Variants in PLIN4 observed in about 807,000 individuals in gnomAD.
PLIN4 encodes perilipin-4.
In PLIN4, 57 loss-of-function variants were observed where a neutral mutation model predicts 52.4. The observed-to-expected ratio is 1.09, with a 90% CI of 0.88 to 1.36. The LOEUF (loss-of-function observed/expected upper bound fraction) is 1.36. Among genes scored for constraint, PLIN4 ranks in the 40% most tolerant of loss-of-function variants. The pLI, the probability that PLIN4 is intolerant of heterozygous loss-of-function variation, is 0.00. For missense variants in PLIN4, 1,757 were observed against 1,770.3 expected, an observed-to-expected ratio of 0.99 and a Z score of 0.13; for synonymous variants, 826 against 785.4, an observed-to-expected ratio of 1.05 and a Z score of -0.86.
chr19:4,504,466 CCGCCAG>C lies in PLIN4; in HGVS notation c.4103_4108del (p.Ala1368_Gly1369del). 1 of 1,573,322 alleles carries C rather than the reference CCGCCAG, an allele frequency of 6.4e-7. No homozygotes were observed. Among genetic ancestry groups the C allele is most frequent in the Non-Finnish European group, 8.6e-7 (1 of 1,157,514 alleles). ...GCCTGCAGGCTCCTACAGCTACTGC[CCGCCAG>C]CGGGCAAGGCGAAGGGCCCTACCAG... On this transcript the variant is annotated inframe_deletion, in exon 8 of 8. Transcript: ENST00000301286.
chr19:4,510,239 G>A (rs1223284125), intron 5 of PLIN4, among the ~76,000 whole-genome samples: 4 of 150,856 alleles, frequency 2.7e-5, no homozygotes, highest in African/African-American at 9.7e-5. Flanking sequence ...GGTGGTGGGC[G>A]CCTGTAGTCC....
chr19:4,517,142 C>T (rs1976605729), intron 3 of PLIN4, among the ~76,000 whole-genome samples: 2 of 152,210 alleles, frequency 1.3e-5, no homozygotes, highest in South Asian at 2.1e-4. Flanking sequence ...CGTCCCTGAT[C>T]GCCCAAGCTG....
Position 4,512,504 on chromosome 19 carries a change from C to G in PLIN4, c.1456G>C (p.Gly486Arg). The part of the protein sequence containing the change: ...AANVAKGAVQ[G>R]GLDTTKSVLT... Reference sequence around the variant, plus strand: ...ACAGACTTTGTAGTGTCCAGGCCGCCCTGGACGGCCCCTTTGGCCACATTC... The same window carrying G: ...ACAGACTTTGTAGTGTCCAGGCCGCGCTGGACGGCCCCTTTGGCCACATTC... Residue 486 changes from glycine (G) to arginine (R), a missense_variant, in exon 5 of 8, where the codon GGC (glycine) becomes CGC (arginine). Coordinates refer to ENST00000301286, the MANE Select transcript of PLIN4 (RefSeq NM_001367868.2). 6.2e-7 allele frequency: 1 copy of G among 1,604,518 alleles called. No homozygotes were observed. Among genetic ancestry groups the G allele is most frequent in the South Asian group, 1.1e-5 (1 of 89,956 alleles).
At chr19:4,516,479 A>G (rs1425760770) in intron 4 of PLIN4, 138 bp downstream of exon 4, 1 of 1,045,256 alleles carries the variant, frequency 9.6e-7, no homozygotes, top group African/African-American at 1.6e-5. Context: ...CCTCAGGCCC[A>G]CAGCAGCCCC....
chr19:4,517,219 G>A (rs1976607603), intron 3 of PLIN4, among the ~76,000 whole-genome samples: 1 of 152,150 alleles, frequency 6.6e-6, no homozygotes, highest in Non-Finnish European at 1.5e-5. Flanking sequence ...CTCCCTGGGA[G>A]TCTGGATCTC....
chr19:4,508,056 C>A (rs1976149346), intron 6 of PLIN4, among the ~76,000 whole-genome samples: 1 of 152,164 alleles, frequency 6.6e-6, no homozygotes, highest in Non-Finnish European at 1.5e-5. Flanking sequence ...ATCCTGGCTT[C>A]ACTTTACCCA....
rs191837536 is a variant in PLIN4, at chr19:4,513,644, C to T, written c.316G>A (p.Val106Met). ...CSKMSRAKDAVSSGVASVVDV... is the reference protein window; with the variant it reads ...CSKMSRAKDAMSSGVASVVDV... ...ACCACGCTGGCCACCCCGGAGGACACGGCATCCTTGGCCCTGGACATCTTG... is the reference window on the plus strand; with the variant it reads ...ACCACGCTGGCCACCCCGGAGGACATGGCATCCTTGGCCCTGGACATCTTG... The change falls in exon 5 of 8, where the codon GTG (valine) becomes ATG (methionine). Residue 106 changes from valine to methionine, a missense_variant. By Grantham distance (21) the Val-to-Met change is conservative (BLOSUM62 1). Transcript: ENST00000301286. 4.5e-5 allele frequency: 73 copies of T among 1,607,298 alleles called. No individual in the cohort carries two copies. The Middle Eastern group carries it at 5.0e-4, about 11-fold the overall frequency.
Position 4,511,025 on chromosome 19 carries a change from C to T in PLIN4, c.2935G>A (p.Val979Met), listed in dbSNP as rs369383954. 43 of 1,613,434 alleles carry T rather than the reference C, an allele frequency of 2.7e-5. No homozygotes were observed. The highest frequency in any genetic ancestry group is 3.3e-4 in the Middle Eastern group (2 of 6,062). Residue 979 changes from valine to methionine, a missense_variant, in exon 5 of 8, where the codon GTG (valine) becomes ATG (methionine). Physicochemically the swap from Val to Met is conservative, Grantham distance 21. Around this residue, in one of 7 missense-constraint regions of PLIN4, gnomAD observed 712 missense variants for 637.1 expected, o/e 1.12. Coordinates refer to ENST00000301286, the MANE Select transcript of PLIN4 (RefSeq NM_001367868.2). ...TTGGAGGCGTCCACGCCGGTCTGCA[C>T]GGTTCCTTTGGCCACATTCACTGCC... Reference protein sequence around the residue: ...TGAVNVAKGTVQTGVDASKAV... With the variant: ...TGAVNVAKGTMQTGVDASKAV...
chr19:4,512,583 C>A lies in PLIN4; in HGVS notation c.1377G>T (p.Lys459Asn). Residue 459 changes from lysine (K) to asparagine (N), a missense_variant, in exon 5 of 8, where the codon AAG becomes AAT. Lys to Asn is a moderately conservative substitution (Grantham distance 94). Transcript: ENST00000301286. ...TGTCCTTGGTACCAGTTAGAACGAT[C>A]TTGGTGGTGTCCACGCCTGTCTGGA... The part of the protein sequence containing the change: ...GTIQTGVDTT[K>N]IVLTGTKDTV... 3 of 1,610,446 alleles carry A rather than the reference C, an allele frequency of 1.9e-6. No homozygotes were observed. In the African/African-American group the frequency reaches 4.0e-5, roughly 22 times the overall value.
At chr19:4,518,135 G>A (rs1891187856) in intron 2 of PLIN4, 87 bp downstream of exon 2, 7 of 1,132,142 alleles carry the variant, frequency 6.2e-6, no homozygotes, top group East Asian at 6.3e-5. Context: ...CTCCAGATTC[G>A]AGACCCCAGG....
chr19:4,511,030 C>A lies in PLIN4; in HGVS notation c.2930G>T (p.Gly977Val). ...GGCGTCCACGCCGGTCTGCACGGTT[C>A]CTTTGGCCACATTCACTGCCCCCGT... ...GVTGAVNVAK[G>V]TVQTGVDASK... The change falls in exon 5 of 8, where the codon GGA becomes GTA. Residue 977 changes from glycine (G) to valine (V), a missense_variant. By Grantham distance (109) the Gly-to-Val change is moderately radical. Coordinates refer to ENST00000301286, the MANE Select transcript of PLIN4 (RefSeq NM_001367868.2). 6.2e-7 allele frequency: 1 copy of A among 1,613,398 alleles called. No homozygotes were observed. The highest frequency in any genetic ancestry group is 8.5e-7 in the Non-Finnish European group (1 of 1,179,868).
In PLIN4 at chr19:4,518,282, G is replaced by T; in HGVS notation, c.-10C>A. 8.1e-7 allele frequency: 1 copy of T among 1,232,668 alleles called. No individual in the cohort carries two copies. Among genetic ancestry groups the T allele is most frequent in the Non-Finnish European group, 1.0e-6 (1 of 988,434 alleles). 76.4% of individuals were successfully genotyped at this position (1,232,668 alleles called of 1,614,324 possible). On this transcript the variant is annotated 5_prime_UTR_variant, in exon 2 of 8. Coordinates refer to ENST00000301286, the MANE Select transcript of PLIN4 (RefSeq NM_001367868.2). ...CGTCTGGAGCAGACATAGTGAGAACGTGAGAAGCTGGAAGGGGGCAGAGAA... is the reference window on the plus strand; with the variant it reads ...CGTCTGGAGCAGACATAGTGAGAACTTGAGAAGCTGGAAGGGGGCAGAGAA...
Position 4,504,085 on chromosome 19 carries a change from A to G in PLIN4, c.*374T>C, listed in dbSNP as rs548096867. On this transcript the variant is annotated 3_prime_UTR_variant, in exon 8 of 8. Transcript: ENST00000301286. ...CTGGAAGAGCCCTGCTAGATATAAAAGGGTTGCTAGCGGGGCAAACAGATG... is the reference window on the plus strand; with the variant it reads ...CTGGAAGAGCCCTGCTAGATATAAAGGGGTTGCTAGCGGGGCAAACAGATG... 96 of 194,650 alleles carry G rather than the reference A, an allele frequency of 4.9e-4. 1 individual carries two copies. In the South Asian group the frequency reaches 0.014, roughly 28 times the overall value. 12.1% of individuals were successfully genotyped at this position (194,650 alleles called of 1,614,324 possible). A position where few individuals can be genotyped will look rare whatever the true frequency, so the allele number is the denominator to read the frequency against.
At chr19:4,505,518 CCCTCT>C (rs370060272) in intron 6 of PLIN4, among the ~76,000 whole-genome samples, 179 of 152,302 alleles carry the variant, frequency 1.2e-3, no homozygotes, top group Non-Finnish European at 2.0e-3. Flanking sequence ...TCACATCTGC[CCCTCT>C]CCTCGGGAGC....
rs368890830 is a variant in PLIN4 at position 4,511,971 on chromosome 19, T to C, written c.1989A>G (p.Thr663=). ...TCACCCCACTGCCAAAGGTGTTCTTTGTACCTGTCGCGATATTTTGGGTCG... is the reference window on the plus strand; with the variant it reads ...TCACCCCACTGCCAAAGGTGTTCTTCGTACCTGTCGCGATATTTTGGGTCG... ...LKTTQNIATG[T]KNTFGSGVTS... The change falls in exon 5 of 8, where the codon ACA becomes ACG. Residue 663 remains threonine (T), a synonymous_variant. Transcript: ENST00000301286. The C allele has an allele frequency of 7.9e-5, 126 of 1,592,814 alleles. 2 individuals carry two copies. In the South Asian group the frequency reaches 9.7e-4, roughly 12 times the overall value.
rs753644880 is a variant in PLIN4 at position 4,513,096 on chromosome 19, G to T, written c.864C>A (p.Thr288=). 1.5e-6 allele frequency: 1 copy of T among 659,554 alleles called. No individual in the cohort carries two copies. Among genetic ancestry groups the T allele is most frequent in the South Asian group, 1.7e-5 (1 of 59,002 alleles). The allele number at this position is 659,554 out of a possible 1,614,324, so 40.9% of individuals were successfully genotyped here. A position where few individuals can be genotyped will look rare whatever the true frequency, so the allele number is the denominator to read the frequency against. ...GGACAGTCTTACTGGTGTCCACGCC[G>T]GTCTGGATGGTTCCTTTGGCCACAT... is the stretch of plus-strand genomic sequence containing the variant. ...AMNVAKGTIQ[T]GVDTSKTVLT... Residue 288 remains threonine, a synonymous_variant, in exon 5 of 8, where the codon ACC becomes ACA. Coordinates refer to ENST00000301286, the MANE Select transcript of PLIN4 (RefSeq NM_001367868.2).
At position 4,511,883 on chromosome 19, in the gene PLIN4, G is replaced by T; in HGVS notation, c.2077C>A (p.Leu693Met). 6.2e-7 allele frequency: 1 copy of T among 1,608,740 alleles called. No homozygotes were observed. Among genetic ancestry groups the T allele is most frequent in the Non-Finnish European group, 8.5e-7 (1 of 1,175,692 alleles). Residue 693 changes from leucine to methionine, a missense_variant, in exon 5 of 8, where the codon CTG (leucine) becomes ATG (methionine). Physicochemically the swap from Leu to Met is conservative, Grantham distance 15. Coordinates refer to ENST00000301286, the MANE Select transcript of PLIN4 (RefSeq NM_001367868.2). Reference protein sequence around the residue: ...QTGVDTAKTVLTGTKDTVTTG... With the variant: ...QTGVDTAKTVMTGTKDTVTTG... ...GTGACTGTGTCCTTGGTGCCGGTCAGCACGGTCTTGGCCGTGTCTACACCT... is the reference window on the plus strand; with the variant it reads ...GTGACTGTGTCCTTGGTGCCGGTCATCACGGTCTTGGCCGTGTCTACACCT...
rs763591959 is a variant in PLIN4 at position 4,517,674 on chromosome 19, G to A, written c.76C>T (p.Leu26=). The change falls in exon 3 of 8, where the codon CTG becomes TTG. Residue 26 remains leucine, a synonymous_variant. Transcript: ENST00000301286. ...TTCCGGGCAGAGCTGAAGCCAGGCA[G>A]GGACCCAAAGAAGCTGCCCAGGGTC... The part of the protein sequence containing the change: ...GKTLGSFFGS[L]PGFSSARNLV... The A allele has an allele frequency of 4.4e-6, 7 of 1,599,320 alleles. No individual in the cohort carries two copies. The East Asian group carries it at 1.1e-4, about 26-fold the overall frequency.
chr19:4,517,767 T>A (rs921934518), intron 2 of PLIN4, 69 bp from the exon 3 acceptor site: 34 of 1,518,000 alleles, frequency 2.2e-5, no homozygotes, highest in Non-Finnish European at 2.9e-5. Flanking sequence ...AGAGGAAGCA[T>A]CGATTGATCA....
Sources: allele counts gnomAD v4.1 joint callset (sites outside exome capture counted in the v4.1 genomes callset), GRCh38; gene constraint gnomAD v4.1.1; regional missense constraint gnomAD v4.1.1; transcripts MANE v1.5; gene names NCBI Gene and HGNC (gene_info 2026-07-23, HGNC 2026-07-21).